The following MMRN1 variants were observed in gnomAD, a reference collection of about 807,000 sequenced individuals.
The protein encoded by MMRN1 is multimerin 1, also known as multimerin-1.
A neutral mutation model predicts 100.7 loss-of-function variants in MMRN1; 94 were observed. The ratio of observed to expected loss-of-function variants is 0.93; its 90% CI spans 0.79 to 1.11. The LOEUF is 1.11. Among genes scored for constraint, MMRN1 ranks in the 50% least tolerant of loss-of-function variants. The pLI, the probability that MMRN1 is intolerant of heterozygous loss-of-function variation, is 0.00. For missense variants in MMRN1, 1,606 were observed against 1,439.1 expected (o/e 1.12, Z -1.88); for synonymous variants, 575 against 505.0 (o/e 1.14, Z -1.86).
chr4:89,897,440 C>A (rs1721244402), intron 1 of MMRN1, among the ~76,000 whole-genome samples: 1 of 152,010 alleles, frequency 6.6e-6, no homozygotes, highest in Non-Finnish European at 1.5e-5. Flanking sequence ...GATCTCTTGA[C>A]CTCATGATCC....
chr4:89,943,849 G>T, intron 6 of MMRN1, among the ~76,000 whole-genome samples: 1 of 152,088 alleles, frequency 6.6e-6, no homozygotes, highest in East Asian at 1.9e-4. Context: ...AATTAGCCAG[G>T]TGTAGTGGCA....
intron 6 of MMRN1, among the ~76,000 whole-genome samples, chr4:89,949,635 G>C (rs1723095859): frequency 6.6e-6 from 1 of 152,106 alleles, no homozygotes; most frequent in African/African-American, 2.4e-5. Context: ...TTTGTTAAAA[G>C]GTATTACACA....
chr4:89,930,602 T>C (rs1473991050), intron 5 of MMRN1, among the ~76,000 whole-genome samples: 1 of 152,052 alleles, frequency 6.6e-6, no homozygotes, highest in African/African-American at 2.4e-5. Flanking sequence ...GAACCTTAAA[T>C]ATTTTATTAT....
rs1722536642 is a variant in MMRN1 at position 89,934,423 on chromosome 4, C to G, written c.1130-387C>G. 2.6e-5 allele frequency among the ~76,000 whole-genome samples: 4 copies of G among 152,046 alleles called. No individual in the cohort carries two copies. In the South Asian group the frequency reaches 8.3e-4, roughly 32 times the overall value. Reference sequence around the variant, plus strand: ...CTAACAACACAGTCATGAGCTAACACCAGGTATTATTTACTAAGGCAGAAA... The same window carrying G: ...CTAACAACACAGTCATGAGCTAACAGCAGGTATTATTTACTAAGGCAGAAA... On this transcript the variant is annotated intron_variant, in intron 5 of 7. Coordinates refer to ENST00000264790, the MANE Select transcript of MMRN1 (RefSeq NM_007351.3).
intron 1 of MMRN1, among the ~76,000 whole-genome samples, chr4:89,904,945 T>G (rs1243840450): frequency 1.3e-5 from 2 of 151,736 alleles, no homozygotes; most frequent in African/African-American, 4.8e-5. Flanking sequence ...TAAGATATAG[T>G]TACCTTTAAA....
At chr4:89,918,278 G>A (rs1321152077) in intron 3 of MMRN1, among the ~76,000 whole-genome samples, 1 of 151,136 alleles carries the variant, frequency 6.6e-6, no homozygotes, top group East Asian at 1.9e-4. Context: ...GTTTAATAAG[G>A]GGAATTTTCT....
chr4:89,893,227 T>C (rs766323829), upstream of MMRN1, among the ~76,000 whole-genome samples: 5 of 152,074 alleles, frequency 3.3e-5, no homozygotes, highest in Admixed American at 6.6e-5. Context: ...TGGATTGTTC[T>C]GTGGTATATC....
At chr4:89,934,765 C>A in intron 5 of MMRN1, 45 bp from the exon 6 acceptor site, 1 of 1,128,208 alleles carries the variant, frequency 8.9e-7, no homozygotes. Flanking sequence ...TGCTTAAAGT[C>A]TCATATAATT....
At chr4:89,915,296 A>T (rs866239888) in intron 3 of MMRN1, among the ~76,000 whole-genome samples, 18 of 151,586 alleles carry the variant, frequency 1.2e-4, no homozygotes, top group Admixed American at 4.0e-4. Flanking sequence ...TAAAATTATG[A>T]TGCATTTAGT....
In MMRN1 at chr4:89,910,567, G is replaced by A. The variant is rs114396846; in HGVS notation, c.743+1172G>A. On this transcript the variant is annotated intron_variant, in intron 2 of 7. Coordinates refer to ENST00000264790, the MANE Select transcript of MMRN1 (RefSeq NM_007351.3). ...TGCAACAGATATTCAGTTTGCCAAA[G>A]CAGGAACATTGACCCCAACAATAGT... 6.0e-3 allele frequency among the ~76,000 whole-genome samples: 903 copies of A among 151,452 alleles called. 7 individuals carry two copies. Among genetic ancestry groups the A allele is most frequent in the African/African-American group, 0.021 (862 of 41,442 alleles).
intron 1 of MMRN1, among the ~76,000 whole-genome samples, chr4:89,882,523 G>A (rs1720842117): frequency 6.6e-6 from 1 of 151,598 alleles, no homozygotes; most frequent in African/African-American, 2.4e-5. Flanking sequence ...ATGCTCTTTT[G>A]CATTTTTTTC....
rs1206459441 is a variant in MMRN1, at chr4:89,909,377, G to A, written c.725G>A (p.Gly242Asp). Reference protein sequence around the residue: ...PGGKGPCGWTGGSCPQRSQKI... With the variant: ...PGGKGPCGWTDGSCPQRSQKI... ...GGGAAAGGACCTTGTGGCTGGACCG[G>A]TGGATCCTGTCCTCAGAGGTATGTA... Residue 242 changes from glycine to aspartate, a missense_variant, in exon 2 of 8, where the codon GGT becomes GAT. Physicochemically the swap from Gly to Asp is moderately conservative, Grantham distance 94. Transcript: ENST00000264790. 6.2e-7 allele frequency: 1 copy of A among 1,609,650 alleles called. No individual in the cohort carries two copies. Among genetic ancestry groups the A allele is most frequent in the East Asian group, 2.2e-5 (1 of 44,644 alleles).
At chr4:89,943,259 A>T (rs1722888717) in intron 6 of MMRN1, among the ~76,000 whole-genome samples, 1 of 152,232 alleles carries the variant, frequency 6.6e-6, no homozygotes. Flanking sequence ...TAATAATGAG[A>T]CATCAACACT....
chr4:89,921,105 AAC>A (rs2110611604), intron 3 of MMRN1, among the ~76,000 whole-genome samples: 1 of 152,276 alleles, frequency 6.6e-6, no homozygotes, highest in African/African-American at 2.4e-5. Flanking sequence ...TTCCCTTCCT[AAC>A]AAAGTATCCA....
Position 89,936,609 on chromosome 4 carries a change from G to A in MMRN1, c.2929G>A (p.Ala977Thr). The change falls in exon 6 of 8, where the codon GCT becomes ACT. Residue 977 changes from alanine to threonine, a missense_variant. Coordinates refer to ENST00000264790, the MANE Select transcript of MMRN1 (RefSeq NM_007351.3). ...VEPIIQIKTQ[A>T]ALSNLTCCID... ...ACCAATAATTCAAATAAAAACTCAA[G>A]CTGCCCTATCTAATTTAACTTGTTG... is the stretch of plus-strand genomic sequence containing the variant. 1 of 1,612,224 alleles carries A rather than the reference G, an allele frequency of 6.2e-7. No individual in the cohort carries two copies. The highest frequency in any genetic ancestry group is 8.5e-7 in the Non-Finnish European group (1 of 1,179,338).
At chr4:89,950,588 G>T (rs188039353) in intron 6 of MMRN1, among the ~76,000 whole-genome samples, 14 of 152,164 alleles carry the variant, frequency 9.2e-5, no homozygotes, top group Admixed American at 7.9e-4. Context: ...AATTAGTAAT[G>T]AGGTTGCATA....
chr4:89,947,437 C>G lies in MMRN1; in HGVS notation c.3119-4168C>G, dbSNP rs180967656. Among the ~76,000 whole-genome samples the G allele has an allele frequency of 2.0e-5, 3 of 152,230 alleles. No homozygotes were observed. The East Asian group carries it at 5.8e-4, about 29-fold the overall frequency. On this transcript the variant is annotated intron_variant, in intron 6 of 7. Coordinates refer to ENST00000264790, the MANE Select transcript of MMRN1 (RefSeq NM_007351.3). ...TCTATTCCATCTTTTATTAATTTGT[C>G]TATTCATTTTTAAAACTACTTTAGT... is the stretch of plus-strand genomic sequence containing the variant.
upstream of MMRN1, among the ~76,000 whole-genome samples, chr4:89,893,302 T>C (rs896506245): frequency 2.0e-5 from 3 of 152,010 alleles, no homozygotes; most frequent in East Asian, 5.8e-4. Context: ...TGTCTTAGTT[T>C]AAATAAATAC....
At chr4:89,903,188 A>G (rs1231169036) in intron 1 of MMRN1, among the ~76,000 whole-genome samples, 1 of 151,750 alleles carries the variant, frequency 6.6e-6, no homozygotes, top group African/African-American at 2.4e-5. Flanking sequence ...CTCATTTATG[A>G]CTAGTGAACT....
Sources: allele counts gnomAD v4.1 joint callset (sites outside exome capture counted in the v4.1 genomes callset), GRCh38; gene constraint gnomAD v4.1.1; transcripts MANE v1.5; gene names NCBI Gene and HGNC (gene_info 2026-07-23, HGNC 2026-07-21).